Variants in ADGRF3 observed in about 807,000 individuals in gnomAD.
The protein encoded by ADGRF3 is adhesion G protein-coupled receptor F3, also known as G protein-coupled receptor 113.
Under a neutral mutation model 93.2 loss-of-function variants are expected in ADGRF3, and 85 were observed. The ratio of observed to expected loss-of-function variants is 0.91; its 90% CI spans 0.77 to 1.09. ADGRF3 has a LOEUF of 1.09. ADGRF3 is among the 50% of genes least tolerant of loss of function. ADGRF3 has a pLI of 0.00. For missense variants in ADGRF3, 1,125 were observed against 1,246.2 expected (o/e 0.90, Z 1.46); for synonymous variants, 534 against 532.5 (o/e 1.00, Z -0.04).
chr2:26,320,244 C>T (rs1259231033), intron 1 of ADGRF3, among the ~76,000 whole-genome samples: 2 of 152,188 alleles, frequency 1.3e-5, no homozygotes, highest in East Asian at 3.8e-4. Context: ...CACCTGTAAT[C>T]CCAACCCTTT....
chr2:26,313,083 G>T lies in ADGRF3; in HGVS notation c.1309C>A (p.Pro437Thr). The T allele has an allele frequency of 6.2e-7, 1 of 1,614,012 alleles. No homozygotes were observed. Among genetic ancestry groups the T allele is most frequent in the South Asian group, 1.1e-5 (1 of 91,084 alleles). ...AGQGSPAEEV[P>T]QILAQLPGQA... is the part of the protein sequence containing the mutation. Reference sequence around the variant, plus strand: ...CCTGGCAGCTGTGCCAGGATCTGTGGCACCTCCTCAGCAGGACTGCCCTGG... The same window carrying T: ...CCTGGCAGCTGTGCCAGGATCTGTGTCACCTCCTCAGCAGGACTGCCCTGG... The change falls in exon 9 of 14, where the codon CCA becomes ACA. Residue 437 changes from proline (P) to threonine (T), a missense_variant. Coordinates refer to ENST00000651242, the MANE Select transcript of ADGRF3 (RefSeq NM_001321971.2).
At position 26,316,422 on chromosome 2, in the gene ADGRF3, A is replaced by C. The variant is rs371903513; in HGVS notation, c.352T>G (p.Phe118Val). Residue 118 changes from phenylalanine to valine, a missense_variant, in exon 4 of 14, where the codon TTC (phenylalanine) becomes GTC (valine). By Grantham distance (50) the Phe-to-Val change is conservative. Transcript: ENST00000651242. ...TAGCCAGAGAGGCAAGCACAATAGA[A>C]ATTCCCCTTGTGGTTGACATTACAC... ...TECNVNHKGN[F>V]YCACLSGYQW... 1.3e-4 allele frequency: 205 copies of C among 1,551,718 alleles called. No homozygotes were observed. In the African/African-American group the frequency reaches 2.6e-3, roughly 19 times the overall value.
chr2:26,329,945 G>A (rs1319168425), intron 1 of ADGRF3, among the ~76,000 whole-genome samples: 1 of 152,156 alleles, frequency 6.6e-6, no homozygotes, highest in African/African-American at 2.4e-5. Flanking sequence ...TCCCATGTGA[G>A]TTGAGATTTC....
At chr2:26,336,535 G>A in intron 1 of ADGRF3, among the ~76,000 whole-genome samples, 1 of 151,912 alleles carries the variant, frequency 6.6e-6, no homozygotes, top group Admixed American at 6.6e-5. Flanking sequence ...AGACCAGCCT[G>A]GCCAACATGG....
rs368101712 is a variant in ADGRF3 at position 26,313,109 on chromosome 2, C to T, written c.1283G>A (p.Gly428Asp). 25 of 1,613,870 alleles carry T rather than the reference C, an allele frequency of 1.5e-5. No homozygotes were observed. Among genetic ancestry groups the T allele is most frequent in the Non-Finnish European group, 1.7e-5 (20 of 1,179,858 alleles). Residue 428 changes from glycine (G) to aspartate (D), a missense_variant, in exon 9 of 14, where the codon GGC becomes GAC. By Grantham distance (94) the Gly-to-Asp change is moderately conservative. Coordinates refer to ENST00000651242, the MANE Select transcript of ADGRF3 (RefSeq NM_001321971.2). Reference sequence around the variant, plus strand: ...CACCTCCTCAGCAGGACTGCCCTGGCCTGCCTGCAGCAGCTGAGACAGACG... The same window carrying T: ...CACCTCCTCAGCAGGACTGCCCTGGTCTGCCTGCAGCAGCTGAGACAGACG... ...LFTRTKLLQAGQGSPAEEVPQ... is the reference protein window; with the variant it reads ...LFTRTKLLQADQGSPAEEVPQ...
At position 26,315,724 on chromosome 2, in the gene ADGRF3, G is replaced by A. The variant is rs1295577577; in HGVS notation, c.516C>T (p.Asn172=). The A allele has an allele frequency of 6.4e-7, 1 of 1,551,432 alleles. No individual in the cohort carries two copies. The highest frequency in any genetic ancestry group is 1.2e-5 in the South Asian group (1 of 84,042). Residue 172 remains asparagine, a synonymous_variant, in exon 5 of 14, where the codon AAC becomes AAT. Coordinates refer to ENST00000651242, the MANE Select transcript of ADGRF3 (RefSeq NM_001321971.2). ...QLLPPVPGIL[N]LNSQLQMPGD... is the part of the protein sequence containing the mutation. ...CAGGCATCTGCAGCTGGGAGTTCAG[G>A]TTGAGGATCCCGGGGACTGCAGGGA...
chr2:26,310,710 G>T lies in ADGRF3; in HGVS notation c.2814C>A (p.Thr938=). 6.2e-7 allele frequency: 1 copy of T among 1,611,974 alleles called. No homozygotes were observed. Among genetic ancestry groups the T allele is most frequent in the South Asian group, 1.1e-5 (1 of 90,602 alleles). Residue 938 remains threonine (T), a synonymous_variant, in exon 10 of 14, where the codon ACC becomes ACA. Transcript: ENST00000651242. ...CACCTACCTGGAGGGTGTTGAGAAT[G>T]GTGAAGATGTAATGAGGGACCGTGG... ...EVSTVPHYIF[T]ILNTLQGVFI...
intron 1 of ADGRF3, chr2:26,318,109 C>T (rs1359494881): frequency 6.5e-7 from 1 of 1,545,472 alleles, no homozygotes; most frequent in Non-Finnish European, 8.7e-7. Flanking sequence ...ATGGGGCAGG[C>T]AGGGAAGGGT....
chr2:26,317,263 C>T (rs916922062), intron 2 of ADGRF3, among the ~76,000 whole-genome samples: 6 of 152,152 alleles, frequency 3.9e-5, no homozygotes, highest in African/African-American at 7.2e-5. Context: ...TCATGTCATC[C>T]GTCCAGCAAC....
chr2:26,340,616 C>G (rs1676328298), intron 1 of ADGRF3: 2 of 152,218 alleles, frequency 1.3e-5, no homozygotes, highest in South Asian at 4.1e-4. Context: ...GAAAGGATCG[C>G]AGAGGTGATG....
rs1325049060 is a variant in ADGRF3, at chr2:26,310,803, C to G, written c.2721G>C (p.Leu907=). 1 of 1,613,756 alleles carries G rather than the reference C, an allele frequency of 6.2e-7. No homozygotes were observed. Among genetic ancestry groups the G allele is most frequent in the Admixed American group, 1.7e-5 (1 of 59,988 alleles). The part of the protein sequence containing the change: ...RQALLGVIKA[L]LILTPIFGLT... Reference sequence around the variant, plus strand: ...GGCCAAAGATGGGTGTAAGAATGAGCAGGGCTTTGATCACCCCCAGCAGAG... The same window carrying G: ...GGCCAAAGATGGGTGTAAGAATGAGGAGGGCTTTGATCACCCCCAGCAGAG... The change falls in exon 10 of 14, where the codon CTG becomes CTC. Residue 907 remains leucine (L), a synonymous_variant. Transcript: ENST00000651242.
chr2:26,310,062 G>C lies in ADGRF3; in HGVS notation c.2918C>G (p.Pro973Arg). Residue 973 changes from proline (P) to arginine (R), a missense_variant, in exon 12 of 14, where the codon CCC (proline) becomes CGC (arginine). Physicochemically the swap from Pro to Arg is moderately radical, Grantham distance 103 (BLOSUM62 -2). Coordinates refer to ENST00000651242, the MANE Select transcript of ADGRF3 (RefSeq NM_001321971.2). ...LRKRFCRAQA[P>R]SSTISLATNE... Reference sequence around the variant, plus strand: ...ACTCACCAGGGAGATGGTGGAGCTGGGGGCTTGGGCGCGGCAGAAGCGTTT... The same window carrying C: ...ACTCACCAGGGAGATGGTGGAGCTGCGGGCTTGGGCGCGGCAGAAGCGTTT... 1 of 1,614,060 alleles carries C rather than the reference G, an allele frequency of 6.2e-7. No homozygotes were observed. Among genetic ancestry groups the C allele is most frequent in the Non-Finnish European group, 8.5e-7 (1 of 1,179,906 alleles).
chr2:26,338,367 A>G (rs774031541), intron 1 of ADGRF3, among the ~76,000 whole-genome samples: 3 of 152,318 alleles, frequency 2.0e-5, no homozygotes, highest in Middle Eastern at 6.8e-3. Flanking sequence ...AAAGAGAGAG[A>G]GAGTAAAATG....
intron 1 of ADGRF3, among the ~76,000 whole-genome samples, chr2:26,321,481 A>G (rs914555977): frequency 1.3e-5 from 2 of 152,098 alleles, no homozygotes; most frequent in African/African-American, 4.8e-5. Context: ...ACTATGCTCA[A>G]CAGGGTCTGT....
At position 26,314,412 on chromosome 2, in the gene ADGRF3, AC is replaced by A; in HGVS notation, c.928+1del. The A allele has an allele frequency of 6.2e-7, 1 of 1,611,366 alleles. No homozygotes were observed. The highest frequency in any genetic ancestry group is 1.3e-5 in the African/African-American group (1 of 74,930). On this transcript the variant is annotated splice_donor_variant, in intron 6 of 13. Transcript: ENST00000651242. LOFTEE classifies it high-confidence loss of function. ...CCCCTGACTGCTGGCCCCTTCTCAT[AC>A]CTTTGCTGCCCTCTCCAGGGCTCCA...
At chr2:26,318,917 A>C in intron 1 of ADGRF3, 2 of 1,551,388 alleles carry the variant, frequency 1.3e-6, no homozygotes, top group Non-Finnish European at 8.7e-7. Context: ...AGGGGTCCCC[A>C]TTGTCGCCTC....
Position 26,313,428 on chromosome 2 carries a change from G to C in ADGRF3, c.1218C>G (p.Val406=), listed in dbSNP as rs1391642661. The C allele has an allele frequency of 6.2e-7, 1 of 1,609,334 alleles. No homozygotes were observed. Among genetic ancestry groups the C allele is most frequent in the Admixed American group, 1.7e-5 (1 of 59,384 alleles). ...GCCTCGCATCTGTGCAGCTGCTGTG[G>C]ACCGGCCCCCAGACTCCGTCAGCCC... ...LCGADGVWGP[V]HSSCTDARLL... The change falls in exon 8 of 14, where the codon GTC becomes GTG. Residue 406 remains valine, a synonymous_variant. Coordinates refer to ENST00000651242, the MANE Select transcript of ADGRF3 (RefSeq NM_001321971.2).
rs1243822859 is a variant in ADGRF3 at position 26,316,974 on chromosome 2, A to C, written c.263T>G (p.Leu88Arg). 4 of 1,613,192 alleles carry C rather than the reference A, an allele frequency of 2.5e-6. No individual in the cohort carries two copies. Among genetic ancestry groups the C allele is most frequent in the East Asian group, 2.2e-5 (1 of 44,852 alleles). ...WPPELSRTLT[L>R]PAASASSSPR... ...GGAAGAGGAAGCTGAGGCAGCAGGG[A>C]GAGTCAGTGTCCTGGAGAGTTCAGG... The change falls in exon 3 of 14, where the codon CTC becomes CGC. Residue 88 changes from leucine to arginine, a missense_variant. Coordinates refer to ENST00000651242, the MANE Select transcript of ADGRF3 (RefSeq NM_001321971.2).
chr2:26,313,683 G>A (rs1335117715), intron 7 of ADGRF3, 77 bp downstream of exon 7: 16 of 1,587,604 alleles, frequency 1.0e-5, no homozygotes, highest in Non-Finnish European at 1.3e-5. Flanking sequence ...CCAGGGCAGA[G>A]ACGTGCCATG....
Sources: gnomAD v4.1 joint callset for allele counts (sites outside exome capture counted in the v4.1 genomes callset) on GRCh38, gnomAD v4.1.1 for gene constraint, MANE v1.5 for transcripts, NCBI Gene and HGNC (gene_info 2026-07-23, HGNC 2026-07-21) for gene names.